The following AUTS2 variants were observed in gnomAD, a reference collection of about 807,000 sequenced individuals.
The protein encoded by AUTS2 is activator of transcription and developmental regulator AUTS2, also known as autism susceptibility gene 2 protein.
AUTS2 carries 17 observed loss-of-function variants against 112.4 expected under a neutral mutation model. That is an observed-to-expected ratio of 0.15 (90% CI 0.10 to 0.23). AUTS2 has a LOEUF of 0.23. Among genes scored for constraint, AUTS2 ranks in the 10% least tolerant of loss-of-function variants. The pLI, the probability that AUTS2 is intolerant of heterozygous loss-of-function variation, is 1.00. For synonymous variants in AUTS2, 751 were observed against 702.7 expected (o/e 1.07, Z -1.09); for missense variants, 1,510 against 1,701.6 (o/e 0.89, Z 1.98).
chr7:70,528,446 T>C (rs1799947219), intron 5 of AUTS2, among the ~76,000 whole-genome samples: 1 of 152,114 alleles, frequency 6.6e-6, no homozygotes, highest in South Asian at 2.1e-4. Flanking sequence ...ATACTCAAAG[T>C]GTTTATACTG....
intron 2 of AUTS2, among the ~76,000 whole-genome samples, chr7:70,050,397 A>G (rs1375233254): frequency 6.6e-6 from 1 of 151,234 alleles, no homozygotes; most frequent in African/African-American, 2.4e-5. Flanking sequence ...TTTCCAAATA[A>G]TGGTCAAGGT....
chr7:70,168,684 G>A (rs1242179039), intron 4 of AUTS2, among the ~76,000 whole-genome samples: 1 of 152,174 alleles, frequency 6.6e-6, no homozygotes, highest in Non-Finnish European at 1.5e-5. Flanking sequence ...TAAAATAGCA[G>A]TAAGAGTATG....
At chr7:70,121,981 T>C (rs1285154277) in intron 3 of AUTS2, among the ~76,000 whole-genome samples, 2 of 152,178 alleles carry the variant, frequency 1.3e-5, no homozygotes, top group Non-Finnish European at 2.9e-5. Flanking sequence ...GCTTGGCTGA[T>C]AGGCACACAA....
chr7:70,430,394 T>G (rs1795606841), intron 4 of AUTS2, among the ~76,000 whole-genome samples: 1 of 152,214 alleles, frequency 6.6e-6, no homozygotes, highest in Admixed American at 6.5e-5. Flanking sequence ...CTGTACATAC[T>G]TGGTACCATG....
intron 2 of AUTS2, among the ~76,000 whole-genome samples, chr7:69,947,175 C>T (rs1320941502): frequency 6.6e-6 from 1 of 152,178 alleles, no homozygotes; most frequent in Non-Finnish European, 1.5e-5. Flanking sequence ...AGTGTTGATC[C>T]TCATTCTGAA....
intron 4 of AUTS2, chr7:70,291,815 T>C (rs1788719903): frequency 6.6e-6 from 1 of 152,048 alleles, no homozygotes; most frequent in Non-Finnish European, 1.5e-5. Flanking sequence ...TAAGACAAAC[T>C]AGAGAGAGAG....
intron 2 of AUTS2, among the ~76,000 whole-genome samples, chr7:69,915,265 C>G (rs1449303695): frequency 6.6e-6 from 1 of 152,092 alleles, no homozygotes; most frequent in African/African-American, 2.4e-5. Flanking sequence ...CCCTTCTGTC[C>G]TTTTAAGAAA....
chr7:70,628,885 C>G (rs1157065497), intron 5 of AUTS2, among the ~76,000 whole-genome samples: 1 of 151,968 alleles, frequency 6.6e-6, no homozygotes, highest in African/African-American at 2.4e-5. Flanking sequence ...ATGGCGGTGT[C>G]TTCCCTTGGC....
chr7:70,018,209 CTT>C (rs557168788), intron 2 of AUTS2, among the ~76,000 whole-genome samples: 20 of 148,004 alleles, frequency 1.4e-4, no homozygotes, highest in Admixed American at 3.4e-4. Flanking sequence ...ATGTAGGACT[CTT>C]TTTTTTTTAA....
chr7:69,665,904 C>A (rs1294614737), intron 1 of AUTS2, among the ~76,000 whole-genome samples: 1 of 152,072 alleles, frequency 6.6e-6, no homozygotes, highest in Non-Finnish European at 1.5e-5. Context: ...GAAGTTAGGC[C>A]ATTAGAAATG....
At chr7:70,632,390 A>G (rs1301379392) in intron 5 of AUTS2, among the ~76,000 whole-genome samples, 1 of 152,080 alleles carries the variant, frequency 6.6e-6, no homozygotes, top group Non-Finnish European at 1.5e-5. Flanking sequence ...CTGGTTTCTC[A>G]TTAAGCCCCT....
At chr7:70,081,974 C>CTG (rs1562672594) in intron 2 of AUTS2, among the ~76,000 whole-genome samples, 1 of 135,762 alleles carries the variant, frequency 7.4e-6, no homozygotes, top group Non-Finnish European at 1.6e-5. Flanking sequence ...GTGCGCGCGC[C>CTG]TGTGTGTGTG....
At chr7:69,781,379 T>C (rs182561366) in intron 1 of AUTS2, among the ~76,000 whole-genome samples, 1 of 152,350 alleles carries the variant, frequency 6.6e-6, no homozygotes, top group Non-Finnish European at 1.5e-5. Flanking sequence ...GGCCAATTTA[T>C]GGTATTGGCC....
intron 4 of AUTS2, among the ~76,000 whole-genome samples, chr7:70,303,458 A>G (rs958562473): frequency 1.5e-3 from 222 of 151,906 alleles, no homozygotes; most frequent in Non-Finnish European, 2.5e-3. Flanking sequence ...ACACACACAC[A>G]CACACACACA....
chr7:69,952,018 G>C (rs1165336165), intron 2 of AUTS2, among the ~76,000 whole-genome samples: 2 of 152,122 alleles, frequency 1.3e-5, no homozygotes, highest in Non-Finnish European at 2.9e-5. Context: ...TAAAGAGAAA[G>C]TGCTCAGATT....
intron 5 of AUTS2, among the ~76,000 whole-genome samples, chr7:70,670,808 T>C (rs1394298527): frequency 6.6e-6 from 1 of 152,148 alleles, no homozygotes; most frequent in Non-Finnish European, 1.5e-5. Context: ...TTTTTTGGAA[T>C]TTGACCTATT....
chr7:69,893,714 A>G (rs977357525), intron 1 of AUTS2, among the ~76,000 whole-genome samples: 5 of 152,090 alleles, frequency 3.3e-5, no homozygotes, highest in African/African-American at 1.2e-4. Context: ...TCAGGCGGAG[A>G]CTTTCTATAA....
intron 6 of AUTS2, among the ~76,000 whole-genome samples, chr7:70,726,602 A>C (rs894444343): frequency 6.6e-6 from 1 of 152,226 alleles, no homozygotes; most frequent in African/African-American, 2.4e-5. Flanking sequence ...TACAAGTGGA[A>C]CCTTCTATAA....
chr7:69,614,226 C>T, intron 1 of AUTS2, among the ~76,000 whole-genome samples: 1 of 151,134 alleles, frequency 6.6e-6, no homozygotes, highest in Non-Finnish European at 1.5e-5. Context: ...ACACAGAATA[C>T]CCTCACTGGG....
Sources: gnomAD v4.1 joint callset for allele counts (sites outside exome capture counted in the v4.1 genomes callset) on GRCh38, gnomAD v4.1.1 for gene constraint, MANE v1.5 for transcripts, NCBI Gene and HGNC (gene_info 2026-07-23, HGNC 2026-07-21) for gene names.